Variants in UGT1A9 observed in about 807,000 individuals in gnomAD.
UGT1A9 encodes UDP glucuronosyltransferase family 1 member A9, also known as UDP-glucuronosyltransferase 1A9.
Under a neutral mutation model 45.0 loss-of-function variants are expected in UGT1A9, and 35 were observed. The observed-to-expected ratio is 0.78, with a 90% CI of 0.59 to 1.03. The LOEUF (loss-of-function observed/expected upper bound fraction) is 1.03. UGT1A9 is among the 50% of genes least tolerant of loss of function. The pLI, the probability that UGT1A9 is intolerant of heterozygous loss-of-function variation, is 0.00. For synonymous variants in UGT1A9, 278 were observed against 250.6 expected (o/e 1.11, Z -1.03); for missense variants, 687 against 666.6 (o/e 1.03, Z -0.34).
At chr2:233,729,759 C>A in intron 1 of UGT1A9, 1 of 1,613,980 alleles carries the variant, frequency 6.2e-7, no homozygotes, top group Non-Finnish European at 8.5e-7. Context: ...TGCAAAGGGT[C>A]AAGAACATGC....
At chr2:233,730,076 AT>A (rs1473857752) in intron 1 of UGT1A9, 33 of 1,607,120 alleles carry the variant, frequency 2.1e-5, no homozygotes, top group Non-Finnish European at 2.4e-5. Flanking sequence ...TTGCTTCCAT[AT>A]TTACTTATCT....
rs746130687 is a variant in UGT1A9 at position 233,713,609 on chromosome 2, A to G, written c.855+40820A>G. 4 of 1,613,842 alleles carry G rather than the reference A, an allele frequency of 2.5e-6. No individual in the cohort carries two copies. In the African/African-American group the frequency reaches 4.0e-5, roughly 16 times the overall value. On this transcript the variant is annotated intron_variant, in intron 1 of 4. Transcript: ENST00000354728. ...TAACGACCAATTCAGACCACATGACATTCCTGCAAAGGGTCAAGAACATGC... is the reference window on the plus strand; with the variant it reads ...TAACGACCAATTCAGACCACATGACGTTCCTGCAAAGGGTCAAGAACATGC...
At chr2:233,767,478 T>C (rs1699401505) in intron 2 of UGT1A9, among the ~76,000 whole-genome samples, 1 of 152,246 alleles carries the variant, frequency 6.6e-6, no homozygotes, top group Admixed American at 6.5e-5. Flanking sequence ...TCATATTAAA[T>C]AGAAGTATTT....
intron 1 of UGT1A9, among the ~76,000 whole-genome samples, chr2:233,678,196 A>G (rs928977464): frequency 1.3e-5 from 2 of 152,198 alleles, no homozygotes; most frequent in Non-Finnish European, 2.9e-5. Context: ...AAGAGTTGAA[A>G]AACTATTGGG....
At chr2:233,722,318 G>A (rs1376337551) in intron 1 of UGT1A9, among the ~76,000 whole-genome samples, 1 of 152,064 alleles carries the variant, frequency 6.6e-6, no homozygotes, top group Non-Finnish European at 1.5e-5. Context: ...TACTTGGTTT[G>A]GTTGACCCTT....
At chr2:233,695,391 TG>T (rs377616491) in intron 1 of UGT1A9, among the ~76,000 whole-genome samples, 3 of 151,868 alleles carry the variant, frequency 2.0e-5, no homozygotes, top group African/African-American at 7.2e-5. Flanking sequence ...CCCAAAGTGC[TG>T]GGATTACAGG....
At chr2:233,771,792 C>T (rs974191909) in intron 4 of UGT1A9, among the ~76,000 whole-genome samples, 6 of 151,492 alleles carry the variant, frequency 4.0e-5, no homozygotes, top group Non-Finnish European at 8.8e-5. Context: ...CTCTCCCTCC[C>T]TCCCTCCCTC....
Position 233,760,863 on chromosome 2 carries a change from C to T in UGT1A9, c.856-6171C>T, listed in dbSNP as rs764242339. On this transcript the variant is annotated intron_variant, in intron 1 of 4. Coordinates refer to ENST00000354728, the MANE Select transcript of UGT1A9 (RefSeq NM_021027.3). ...CCCAGTGCCCCAACCCATTCTCCTA[C>T]GTGCCCAGGCCTCTCTCCTCTCATT... The T allele has an allele frequency of 8.1e-6, 13 of 1,614,016 alleles. No homozygotes were observed. Among genetic ancestry groups the T allele is most frequent in the South Asian group, 4.4e-5 (4 of 91,088 alleles).
At chr2:233,770,387 C>CT (rs1226328342) in intron 4 of UGT1A9, 1 of 152,208 alleles carries the variant, frequency 6.6e-6, no homozygotes, top group Non-Finnish European at 1.5e-5. Flanking sequence ...GGTACGGTGG[C>CT]TCATGCCTGT....
chr2:233,766,292 T>C (rs1426642271), intron 1 of UGT1A9, among the ~76,000 whole-genome samples: 2 of 147,940 alleles, frequency 1.4e-5, no homozygotes, highest in African/African-American at 5.0e-5. Context: ...CTCGGTGGCC[T>C]GGGCTCTCCT....
chr2:233,767,223 A>G (rs1699340574), intron 2 of UGT1A9, 58 bp downstream of exon 2: 3 of 1,610,856 alleles, frequency 1.9e-6, no homozygotes, highest in South Asian at 1.1e-5. Flanking sequence ...CTAATCCCAG[A>G]CTTCCAGCTT....
At chr2:233,676,983 T>A (rs2074378188) in intron 1 of UGT1A9, among the ~76,000 whole-genome samples, 1 of 152,150 alleles carries the variant, frequency 6.6e-6, no homozygotes, top group Non-Finnish European at 1.5e-5. Flanking sequence ...ATAAATGAGG[T>A]AGTGTTACCT....
intron 1 of UGT1A9, among the ~76,000 whole-genome samples, chr2:233,746,470 A>C (rs1310621579): frequency 6.6e-6 from 1 of 151,764 alleles, no homozygotes; most frequent in Non-Finnish European, 1.5e-5. Context: ...AGGGTTCCAG[A>C]AACACTTTCC....
intron 1 of UGT1A9, chr2:233,729,594 C>G (rs1443112600): frequency 1.2e-6 from 2 of 1,613,988 alleles, no homozygotes; most frequent in African/African-American, 2.7e-5. Flanking sequence ...CCGTTAACCT[C>G]TGCGCGGCAG....
At chr2:233,706,881 C>A (rs2075928879) in intron 1 of UGT1A9, among the ~76,000 whole-genome samples, 1 of 152,226 alleles carries the variant, frequency 6.6e-6, no homozygotes, top group Admixed American at 6.5e-5. Context: ...CACTTCCCAG[C>A]TCTGGTTGGA....
rs1049544264 is a variant in UGT1A9 at position 233,721,928 on chromosome 2, T to C, written c.856-45106T>C. 6 of 384,478 alleles carry C rather than the reference T, an allele frequency of 1.6e-5. No homozygotes were observed. The East Asian group carries it at 4.4e-4, about 28-fold the overall frequency. The allele number at this position is 384,478 out of a possible 1,614,324, so 23.8% of individuals were successfully genotyped here. A position where few individuals can be genotyped will look rare whatever the true frequency, so the allele number is the denominator to read the frequency against. ...TGCACACTGCTTCCATAAAGTGACATCCTTCAGACACTTGGTGGCTCTTTG... is the reference window on the plus strand; with the variant it reads ...TGCACACTGCTTCCATAAAGTGACACCCTTCAGACACTTGGTGGCTCTTTG... On this transcript the variant is annotated intron_variant, in intron 1 of 4. Transcript: ENST00000354728.
intron 1 of UGT1A9, chr2:233,719,540 G>A (rs1488835292): frequency 1.9e-6 from 3 of 1,613,770 alleles, no homozygotes; most frequent in Non-Finnish European, 1.7e-6. Flanking sequence ...AGCTTTTTCA[G>A]AGAGAGGTGT....
intron 1 of UGT1A9, among the ~76,000 whole-genome samples, chr2:233,737,165 G>A (rs941026420): frequency 6.6e-6 from 1 of 152,234 alleles, no homozygotes; most frequent in African/African-American, 2.4e-5. Flanking sequence ...CCACAGAGGT[G>A]GAGTCTATAG....
intron 1 of UGT1A9, among the ~76,000 whole-genome samples, chr2:233,727,663 T>C (rs1439134101): frequency 6.6e-6 from 1 of 152,170 alleles, no homozygotes; most frequent in Non-Finnish European, 1.5e-5. Context: ...GTGCTCTATG[T>C]CCTTACAAAT....
Sources: gnomAD v4.1 joint callset for allele counts (sites outside exome capture counted in the v4.1 genomes callset) on GRCh38, gnomAD v4.1.1 for gene constraint, MANE v1.5 for transcripts, NCBI Gene and HGNC (gene_info 2026-07-23, HGNC 2026-07-21) for gene names.